Variants in STRN observed in about 807,000 individuals in gnomAD.
The protein encoded by STRN is protein phosphatase 2 regulatory subunit B'''alpha.
STRN carries 53 observed loss-of-function variants against 96.3 expected under a neutral mutation model. The ratio of observed to expected loss-of-function variants is 0.55; its 90% CI spans 0.44 to 0.69. The LOEUF is 0.69. STRN is among the 30% of genes least tolerant of loss of function. The probability of loss-of-function intolerance (pLI) is 0.00; values close to 1 mark genes in which losing one functional copy is unlikely to be tolerated. For missense variants in STRN, 987 were observed against 963.9 expected (o/e 1.02, Z -0.32); for synonymous variants, 428 against 355.9 (o/e 1.20, Z -2.28).
intron 1 of STRN, among the ~76,000 whole-genome samples, chr2:36,925,689 C>A (rs1169903759): frequency 6.6e-6 from 1 of 152,122 alleles, no homozygotes; most frequent in African/African-American, 2.4e-5. Context: ...AGGAGAATTG[C>A]TTGAACCCAG....
intron 1 of STRN, among the ~76,000 whole-genome samples, chr2:36,955,507 G>C (rs1664863643): frequency 1.3e-5 from 2 of 152,184 alleles, no homozygotes; most frequent in Non-Finnish European, 2.9e-5. Context: ...GTAGAGTTAA[G>C]AACAGGTTAA....
intron 7 of STRN, among the ~76,000 whole-genome samples, chr2:36,889,632 G>C (rs1352366720): frequency 9.8e-6 from 1 of 102,234 alleles, no homozygotes; most frequent in Admixed American, 1.3e-4. Flanking sequence ...GGGGGTGGGG[G>C]GGAGTAGAGT....
chr2:36,929,641 C>T (rs1432023680), intron 1 of STRN, among the ~76,000 whole-genome samples: 1 of 152,196 alleles, frequency 6.6e-6, no homozygotes, highest in Non-Finnish European at 1.5e-5. Context: ...CCTCAGCCTC[C>T]CTAAGCGCTG....
rs923458958 is a variant in STRN, at chr2:36,839,229, C to T, written c.*10227G>A. ...TGAAAAACATCAAATCATCCCCCTT[C>T]CCTGCTCTATTTTTTTTCCCTCTGC... On this transcript the variant is annotated 3_prime_UTR_variant, in exon 18 of 18. Transcript: ENST00000263918. 6.6e-6 allele frequency among the ~76,000 whole-genome samples: 1 copy of T among 152,126 alleles called. No homozygotes were observed. Among genetic ancestry groups the T allele is most frequent in the Non-Finnish European group, 1.5e-5 (1 of 68,018 alleles).
At chr2:36,873,851 G>C (rs543438890) in intron 10 of STRN, among the ~76,000 whole-genome samples, 2 of 151,782 alleles carry the variant, frequency 1.3e-5, no homozygotes, top group African/African-American at 4.8e-5. Context: ...GCTGAGGCAG[G>C]AGAATTGCTT....
At chr2:36,886,256 C>T (rs1669223415) in intron 8 of STRN, among the ~76,000 whole-genome samples, 1 of 152,106 alleles carries the variant, frequency 6.6e-6, no homozygotes, top group South Asian at 2.1e-4. Context: ...AAATGAACTG[C>T]ATGTTATGAA....
intron 2 of STRN, among the ~76,000 whole-genome samples, chr2:36,918,773 T>C (rs959534808): frequency 1.3e-5 from 2 of 152,198 alleles, no homozygotes; most frequent in Non-Finnish European, 2.9e-5. Flanking sequence ...AGCATTCCTT[T>C]TTAAGTCAAT....
chr2:36,859,414 C>A (rs1031017408), intron 13 of STRN, among the ~76,000 whole-genome samples: 1 of 152,112 alleles, frequency 6.6e-6, no homozygotes, highest in African/African-American at 2.4e-5. Context: ...TAAGTGGGGA[C>A]AGTGTGACAG....
intron 4 of STRN, among the ~76,000 whole-genome samples, chr2:36,903,343 G>A (rs1262088831): frequency 6.6e-6 from 1 of 152,164 alleles, no homozygotes; most frequent in African/African-American, 2.4e-5. Context: ...AAGAGCAAAG[G>A]CTTTGTATTG....
At chr2:36,864,174 G>C (rs1176621144) in intron 12 of STRN, among the ~76,000 whole-genome samples, 1 of 152,104 alleles carries the variant, frequency 6.6e-6, no homozygotes, top group Non-Finnish European at 1.5e-5. Context: ...CTCTGGCTAG[G>C]ACTTCCAGTA....
At chr2:36,948,139 T>A (rs1664648306) in intron 1 of STRN, among the ~76,000 whole-genome samples, 1 of 125,382 alleles carries the variant, frequency 8.0e-6, no homozygotes, top group Non-Finnish European at 1.6e-5. Flanking sequence ...TCTCACTCTG[T>A]CGCCCAGGCT....
At chr2:36,889,981 G>C (rs987710167) in intron 7 of STRN, among the ~76,000 whole-genome samples, 4 of 152,170 alleles carry the variant, frequency 2.6e-5, no homozygotes, top group African/African-American at 9.6e-5. Context: ...TTAAAGTAAA[G>C]GAAGTTACAC....
chr2:36,904,543 TTGACCGGGC>T (rs1669767934), intron 4 of STRN, among the ~76,000 whole-genome samples: 2 of 152,148 alleles, frequency 1.3e-5, no homozygotes, highest in Admixed American at 1.3e-4. Context: ...TGGAAGAAAG[TTGACCGGGC>T]ATGGTGGCTC....
chr2:36,896,661 C>T (rs561150212), intron 6 of STRN, among the ~76,000 whole-genome samples: 18 of 152,166 alleles, frequency 1.2e-4, no homozygotes, highest in Admixed American at 2.6e-4. Context: ...CACAAGGGGA[C>T]GTGGGATTCT....
At position 36,884,992 on chromosome 2, in the gene STRN, CCTCT is replaced by C. The variant is rs143379783; in HGVS notation, c.1043-921_1043-918del. 3.3e-5 allele frequency among the ~76,000 whole-genome samples: 5 copies of C among 151,952 alleles called. No individual in the cohort carries two copies. In the East Asian group the frequency reaches 9.7e-4, roughly 29 times the overall value. On this transcript the variant is annotated intron_variant, in intron 8 of 17. Coordinates refer to ENST00000263918, the MANE Select transcript of STRN (RefSeq NM_003162.4). ...ACAAAATGTGCTGAAATGTGTAGTC[CCTCT>C]CTCTTCAATGAAAGATGTTAAAATT...
At chr2:36,858,217 A>T (rs193230957) in intron 13 of STRN, among the ~76,000 whole-genome samples, 194 bp from the exon 14 acceptor site, 1,971 of 152,360 alleles carry the variant, frequency 0.013, 43 homozygotes, top group African/African-American at 0.045. Flanking sequence ...AAGTTAAAAA[A>T]TTTTAAATTA....
intron 15 of STRN, 105 bp from the exon 16 acceptor site, chr2:36,851,212 C>T (rs551348090): frequency 4.3e-5 from 40 of 930,200 alleles, no homozygotes; most frequent in Middle Eastern, 2.8e-4. Flanking sequence ...AGGCCGGCCG[C>T]GGTGGCTCAC....
At chr2:36,949,305 A>T (rs1431261208) in intron 1 of STRN, among the ~76,000 whole-genome samples, 2 of 152,258 alleles carry the variant, frequency 1.3e-5, no homozygotes, top group East Asian at 3.8e-4. Context: ...ATTTCTCAGA[A>T]CATATCCCTG....
chr2:36,875,703 CTGGAGTGCGG>C (rs1330190707), intron 10 of STRN, among the ~76,000 whole-genome samples: 1 of 149,814 alleles, frequency 6.7e-6, no homozygotes, highest in Non-Finnish European at 1.5e-5. Flanking sequence ...ATCGCCCGCG[CTGGAGTGCGG>C]TGGCGCAATC....
Sources: gnomAD v4.1 joint callset for allele counts (sites outside exome capture counted in the v4.1 genomes callset) on GRCh38, gnomAD v4.1.1 for gene constraint, MANE v1.5 for transcripts, NCBI Gene and HGNC (gene_info 2026-07-23, HGNC 2026-07-21) for gene names.